The following ZNF112 variants were observed in gnomAD, a reference collection of about 807,000 sequenced individuals.
ZNF112 encodes zinc finger protein 112 (Y14).
Under a neutral mutation model 77.7 loss-of-function variants are expected in ZNF112, and 37 were observed. The ratio of observed to expected loss-of-function variants is 0.48; its 90% CI spans 0.37 to 0.63. ZNF112 has a LOEUF of 0.63. Among genes scored for constraint, ZNF112 ranks in the 20% least tolerant of loss-of-function variants. The probability of loss-of-function intolerance (pLI) is 0.00; values close to 1 mark genes in which losing one functional copy is unlikely to be tolerated. For synonymous variants in ZNF112, 333 were observed against 363.6 expected (o/e 0.92, Z 0.96); for missense variants, 950 against 1,077.4 (o/e 0.88, Z 1.66).
chr19:44,329,045 A>T lies in ZNF112; in HGVS notation c.1112T>A (p.Ile371Asn), dbSNP rs779941207. 5.6e-6 allele frequency: 9 copies of T among 1,613,790 alleles called. No individual in the cohort carries two copies. The highest frequency in any genetic ancestry group is 7.6e-6 in the Non-Finnish European group (9 of 1,179,976). ...AFSHSLDLNS[I>N]FRVHTRDEPH... ...TTCATCCCTAGTATGGACCCTAAAAATACTATTAAGGTCTAAGCTATGACT... is the reference window on the plus strand; with the variant it reads ...TTCATCCCTAGTATGGACCCTAAAATTACTATTAAGGTCTAAGCTATGACT... The change falls in exon 4 of 4, where the codon ATT (isoleucine) becomes AAT (asparagine). Residue 371 changes from isoleucine to asparagine, a missense_variant. By Grantham distance (149) the Ile-to-Asn change is moderately radical. This residue lies in a region of ZNF112 where 560 missense variants were observed against 557.3 expected (regional missense o/e 1.00). Coordinates refer to ENST00000354340, the MANE Select transcript of ZNF112 (RefSeq NM_013380.4).
intron 1 of ZNF112, 57 bp from the exon 2 acceptor site, chr19:44,340,599 G>A (rs1331886936): frequency 9.9e-6 from 16 of 1,611,368 alleles, no homozygotes; most frequent in Non-Finnish European, 1.4e-5. Flanking sequence ...TGCTGAGAAG[G>A]TGTAAAGGAC....
Position 44,336,710 on chromosome 19 carries a change from G to T in ZNF112, c.133C>A (p.Pro45Thr). 4 of 1,613,880 alleles carry T rather than the reference G, an allele frequency of 2.5e-6. 2 individuals are homozygous for T. The South Asian group carries it at 4.4e-5, about 18-fold the overall frequency. The change falls in exon 3 of 4, where the codon CCC (proline) becomes ACC (threonine). Residue 45 changes from proline to threonine, a missense_variant. Coordinates refer to ENST00000354340, the MANE Select transcript of ZNF112 (RefSeq NM_013380.4). ...FRNLLLVAHQPFKPDLISQLE... is the reference protein window; with the variant it reads ...FRNLLLVAHQTFKPDLISQLE... Reference sequence around the variant, plus strand: ...TGGGATATTAGGTCTGGCTTGAAGGGCTGATGTGCTGTAAAGAAGGAAAGG... The same window carrying T: ...TGGGATATTAGGTCTGGCTTGAAGGTCTGATGTGCTGTAAAGAAGGAAAGG...
chr19:44,337,695 C>T lies in ZNF112; in HGVS notation c.125-977G>A, dbSNP rs573272464. 5.3e-5 allele frequency among the ~76,000 whole-genome samples: 8 copies of T among 150,948 alleles called. No individual in the cohort carries two copies. The South Asian group carries it at 8.3e-4, about 16-fold the overall frequency. On this transcript the variant is annotated intron_variant, in intron 2 of 3. Transcript: ENST00000354340. ...CTTTGCCAAAAAACGTATAGTGTTA[C>T]GTTTTTGAATTTTTGCCAATTTCAT...
At chr19:44,347,819 AC>A (rs2071489188) in intron 1 of ZNF112, among the ~76,000 whole-genome samples, 1 of 152,106 alleles carries the variant, frequency 6.6e-6, no homozygotes, top group Non-Finnish European at 1.5e-5. Context: ...CAAAAAACTT[AC>A]TATTTCTGGT....
At chr19:44,330,176 T>A (rs1428820685) in intron 3 of ZNF112, among the ~76,000 whole-genome samples, 3 of 152,222 alleles carry the variant, frequency 2.0e-5, no homozygotes, top group African/African-American at 7.2e-5. Context: ...TTTAATGTTC[T>A]ACATGATGTT....
intron 1 of ZNF112, among the ~76,000 whole-genome samples, chr19:44,347,660 C>T (rs1970620594): frequency 6.6e-6 from 1 of 151,420 alleles, no homozygotes; most frequent in African/African-American, 2.4e-5. Flanking sequence ...AGATGCCTTA[C>T]CAACAAATAG....
chr19:44,339,666 A>G lies in ZNF112; in HGVS notation c.124+750T>C, dbSNP rs1037696131. Among the ~76,000 whole-genome samples, 16 of 152,228 alleles carry G rather than the reference A, an allele frequency of 1.1e-4. 2 individuals carry two copies. In the South Asian group the frequency reaches 3.3e-3, roughly 32 times the overall value. ...ACTTTAATCTGATTCCTTTCCCTGT[A>G]ATGAATCATTAACTGTGAAGACAAC... is the stretch of plus-strand genomic sequence containing the variant. On this transcript the variant is annotated intron_variant, in intron 2 of 3. Coordinates refer to ENST00000354340, the MANE Select transcript of ZNF112 (RefSeq NM_013380.4).
chr19:44,345,562 T>C (rs2722736), intron 1 of ZNF112, among the ~76,000 whole-genome samples: 48,516 of 152,038 alleles, frequency 0.32, 10,763 homozygotes, highest in African/African-American at 0.63. Context: ...AAAGGGAATT[T>C]CTGTTAAATA....
intron 1 of ZNF112, among the ~76,000 whole-genome samples, chr19:44,344,664 G>A (rs780422691): frequency 9.9e-5 from 15 of 152,210 alleles, no homozygotes; most frequent in Admixed American, 3.3e-4. Flanking sequence ...GAGGGTGCAC[G>A]GAGTCCTTTG....
intron 2 of ZNF112, among the ~76,000 whole-genome samples, 160 bp from the exon 3 acceptor site, chr19:44,336,878 T>C (rs1970378894): frequency 1.6e-5 from 2 of 123,278 alleles, no homozygotes; most frequent in Admixed American, 7.5e-5. Flanking sequence ...CATGATTTTC[T>C]TTTTTTTTTT....
At position 44,329,201 on chromosome 19, in the gene ZNF112, T is replaced by C. The variant is rs1568659235; in HGVS notation, c.956A>G (p.His319Arg). The change falls in exon 4 of 4, where the codon CAT (histidine) becomes CGT (arginine). Residue 319 changes from histidine (H) to arginine (R), a missense_variant. Around this residue, in one of 3 missense-constraint regions of ZNF112, gnomAD observed 560 missense variants for 557.3 expected, o/e 1.00. Coordinates refer to ENST00000354340, the MANE Select transcript of ZNF112 (RefSeq NM_013380.4). Reference sequence around the variant, plus strand: ...ACATTTGCATGGTTTCTCCTCTGTATGCACTCTCTGATAGGATTTCAGATG... The same window carrying C: ...ACATTTGCATGGTTTCTCCTCTGTACGCACTCTCTGATAGGATTTCAGATG... ...NSHLKSYQRV[H>R]TEEKPCKCGE... 1 of 1,613,918 alleles carries C rather than the reference T, an allele frequency of 6.2e-7. No homozygotes were observed. Among genetic ancestry groups the C allele is most frequent in the Non-Finnish European group, 8.5e-7 (1 of 1,180,000 alleles).
chr19:44,327,240 G>C lies in ZNF112; in HGVS notation c.*193C>G. ...TCATATTTTATAAGCCTTAGCTCCT[G>C]TGCAATGACTGATGTTAAAGTTCTA... On this transcript the variant is annotated 3_prime_UTR_variant, in exon 4 of 4. Transcript: ENST00000354340. 1 of 551,280 alleles carries C rather than the reference G, an allele frequency of 1.8e-6. No homozygotes were observed. The highest frequency in any genetic ancestry group is 3.3e-5 in the Admixed American group (1 of 30,556). The allele number at this position is 551,280 out of a possible 1,614,324, so 34.1% of individuals were successfully genotyped here.
At chr19:44,333,077 G>T (rs1194387322) in intron 3 of ZNF112, among the ~76,000 whole-genome samples, 2 of 152,168 alleles carry the variant, frequency 1.3e-5, no homozygotes, top group African/African-American at 4.8e-5. Context: ...AGGTAAGAAG[G>T]TTGAGAATTT....
intron 1 of ZNF112, among the ~76,000 whole-genome samples, chr19:44,364,693 C>T (rs1410876544): frequency 2.0e-5 from 3 of 152,082 alleles, no homozygotes; most frequent in African/African-American, 4.8e-5. Flanking sequence ...AAACCCAATA[C>T]AGTATAACAA....
intron 3 of ZNF112, among the ~76,000 whole-genome samples, chr19:44,333,466 C>T (rs1238260519): frequency 2.0e-5 from 3 of 152,176 alleles, no homozygotes; most frequent in South Asian, 2.1e-4. Context: ...TCTGCGTCCC[C>T]ACCCAAATCT....
chr19:44,359,315 CTTTTTTTTTTTTTT>C (rs767955186), upstream of ZNF112, among the ~76,000 whole-genome samples: 3 of 54,834 alleles, frequency 5.5e-5, no homozygotes, highest in East Asian at 5.0e-4. Context: ...TATTAGAGTT[CTTTTTTTTTTTTTT>C]TTTTTTTTTT....
chr19:44,349,167 T>A (rs1676523529), intron 1 of ZNF112, among the ~76,000 whole-genome samples: 2 of 152,104 alleles, frequency 1.3e-5, no homozygotes, highest in Admixed American at 6.6e-5. Context: ...GCTATGTAGT[T>A]ATAACAGAGT....
chr19:44,329,803 T>G lies in ZNF112; in HGVS notation c.354A>C (p.Lys118Asn), dbSNP rs775018388. The change falls in exon 4 of 4, where the codon AAA becomes AAC. Residue 118 changes from lysine to asparagine, a missense_variant. This residue lies in a region of ZNF112 where 560 missense variants were observed against 557.3 expected (regional missense o/e 1.00). Transcript: ENST00000354340. ...ACTGAGAATTCTTCCCTTGAAAAAC[T>G]TTCAGGAAATCTTGACACCTGATTA... is the stretch of plus-strand genomic sequence containing the variant. ...GGLIRCQDFL[K>N]VFQGKNSQLQ... The G allele has an allele frequency of 1.2e-6, 2 of 1,613,990 alleles. No individual in the cohort carries two copies. The highest frequency in any genetic ancestry group is 1.3e-5 in the African/African-American group (1 of 75,048).
rs771297813 is a variant in ZNF112, at chr19:44,329,095, C to T, written c.1062G>A (p.Arg354=). ...TGAAGGCTTTCTCATAAATGTTGTG[C>T]CTATAGGACATCTCACCTGTGTGGA... ...ELIHTGEMSY[R]HNIYEKAFSH... The change falls in exon 4 of 4, where the codon AGG becomes AGA. Residue 354 remains arginine (R), a synonymous_variant. Transcript: ENST00000354340. The T allele has an allele frequency of 6.2e-6, 10 of 1,613,660 alleles. No individual in the cohort carries two copies. The highest frequency in any genetic ancestry group is 2.2e-5 in the South Asian group (2 of 91,076).
Sources: allele counts gnomAD v4.1 joint callset (sites outside exome capture counted in the v4.1 genomes callset), GRCh38; gene constraint gnomAD v4.1.1; regional missense constraint gnomAD v4.1.1; transcripts MANE v1.5; gene names NCBI Gene and HGNC (gene_info 2026-07-23, HGNC 2026-07-21).